The following PDE1C variants were observed in gnomAD, a reference collection of about 807,000 sequenced individuals.
PDE1C encodes phosphodiesterase 1C.
In PDE1C, 62 loss-of-function variants were observed where a neutral mutation model predicts 93.1. That is an observed-to-expected ratio of 0.67 (90% CI 0.54 to 0.82). The LOEUF (loss-of-function observed/expected upper bound fraction) is 0.82. PDE1C is among the 40% of genes least tolerant of loss of function. The pLI, the probability that PDE1C is intolerant of heterozygous loss-of-function variation, is 0.00. For missense variants in PDE1C, 742 were observed against 884.6 expected, an observed-to-expected ratio of 0.84 and a Z score of 2.04; for synonymous variants, 325 against 310.1, an observed-to-expected ratio of 1.05 and a Z score of -0.50.
At chr7:32,195,378 A>C (rs1452915885) in intron 2 of PDE1C, among the ~76,000 whole-genome samples, 1 of 152,126 alleles carries the variant, frequency 6.6e-6, no homozygotes, top group African/African-American at 2.4e-5. Flanking sequence ...ATTTCTGAGG[A>C]ATATTTTTGC....
rs117319645 is a variant in PDE1C, at chr7:32,418,183, G to A, written c.310+9639C>T. Among the ~76,000 whole-genome samples, 1,117 of 152,218 alleles carry A rather than the reference G, an allele frequency of 7.3e-3. 10 individuals carry two copies. Among genetic ancestry groups the A allele is most frequent in the Non-Finnish European group, 0.011 (775 of 68,018 alleles). On this transcript the variant is annotated intron_variant, in intron 1 of 1. Coordinates refer to the PDE1C transcript ENST00000672256. Reference sequence around the variant, plus strand: ...TTCTGGAAACTTCCTCAGTACTATGGTCTTCCCCACATACTATTTCTTTCC... The same window carrying A: ...TTCTGGAAACTTCCTCAGTACTATGATCTTCCCCACATACTATTTCTTTCC...
chr7:31,992,130 C>T (rs931601045), intron 2 of PDE1C, among the ~76,000 whole-genome samples: 12 of 152,202 alleles, frequency 7.9e-5, no homozygotes, highest in Admixed American at 2.0e-4. Context: ...ATGCACCAGG[C>T]CCAAGCCCAG....
intron 2 of PDE1C, among the ~76,000 whole-genome samples, chr7:31,884,246 G>A (rs1384659318): frequency 6.6e-6 from 1 of 151,060 alleles, no homozygotes; most frequent in East Asian, 1.9e-4. Context: ...AATAAAGACA[G>A]AAGAAAATAC....
At chr7:31,691,029 T>C in the PDE1C span, among the ~76,000 whole-genome samples, 4 of 152,152 alleles carry the variant, frequency 2.6e-5, no homozygotes, top group East Asian at 3.9e-4. Flanking sequence ...GATGTTCCCA[T>C]GGCCCATCCA....
the PDE1C span, among the ~76,000 whole-genome samples, chr7:31,736,537 C>A: frequency 1.3e-5 from 2 of 152,184 alleles, no homozygotes; most frequent in African/African-American, 2.4e-5. Flanking sequence ...AACCTTGGTC[C>A]AACCGTGTGG....
At chr7:32,119,786 G>A (rs1799194650) in intron 3 of PDE1C, among the ~76,000 whole-genome samples, 1 of 152,188 alleles carries the variant, frequency 6.6e-6, no homozygotes, top group South Asian at 2.1e-4. Flanking sequence ...AGGGACCCAT[G>A]CCTCCAGGGC....
intron 2 of PDE1C, among the ~76,000 whole-genome samples, chr7:32,173,404 T>C (rs1802777923): frequency 6.6e-6 from 1 of 151,960 alleles, no homozygotes; most frequent in South Asian, 2.1e-4. Flanking sequence ...CGGGTCAATA[T>C]GTGCAGCAAA....
chr7:32,184,455 G>A (rs1803696562), intron 2 of PDE1C, among the ~76,000 whole-genome samples: 1 of 152,186 alleles, frequency 6.6e-6, no homozygotes, highest in Non-Finnish European at 1.5e-5. Flanking sequence ...ATACACCATG[G>A]AATACTATGC....
At chr7:32,017,941 A>G (rs1419783730) in intron 2 of PDE1C, among the ~76,000 whole-genome samples, 2 of 151,838 alleles carry the variant, frequency 1.3e-5, no homozygotes, top group Non-Finnish European at 2.9e-5. Context: ...TTAGCTGGGT[A>G]TGGTGGTGCA....
At position 31,871,726 on chromosome 7, in the gene PDE1C, A is replaced by T. The variant is rs1316814833; in HGVS notation, c.609+1566T>A. ...AAAAAAGATGCACTGGTGAGGATGT[A>T]GAGAAAAGGGAACACTTCTACAACG... On this transcript the variant is annotated intron_variant, in intron 6 of 17. Transcript: ENST00000396191. Among the ~76,000 whole-genome samples the T allele has an allele frequency of 3.3e-5, 5 of 151,772 alleles. No individual in the cohort carries two copies. The East Asian group carries it at 9.7e-4, about 29-fold the overall frequency.
chr7:32,054,602 T>G (rs529935717), intron 1 of PDE1C, among the ~76,000 whole-genome samples: 1 of 152,260 alleles, frequency 6.6e-6, no homozygotes, highest in African/African-American at 2.4e-5. Context: ...CCCATACACA[T>G]CAAAAGATGG....
chr7:31,945,039 T>C (rs1806417532), intron 2 of PDE1C, among the ~76,000 whole-genome samples: 1 of 152,190 alleles, frequency 6.6e-6, no homozygotes, highest in East Asian at 1.9e-4. Context: ...ATTTTGATTA[T>C]ACATCTTTTT....
chr7:31,821,565 T>C (rs375991127), intron 14 of PDE1C, among the ~76,000 whole-genome samples: 86 of 152,210 alleles, frequency 5.7e-4, no homozygotes, highest in African/African-American at 1.6e-3. Context: ...ACAGGGAAGA[T>C]TGAAATGTTT....
chr7:31,900,481 G>C (rs1799832881), intron 2 of PDE1C, among the ~76,000 whole-genome samples: 1 of 149,802 alleles, frequency 6.7e-6, no homozygotes, highest in African/African-American at 2.4e-5. Flanking sequence ...CAAAATATTA[G>C]GTTAGAGATG....
At chr7:31,758,754 A>G (rs988387165) in intron 17 of PDE1C, among the ~76,000 whole-genome samples, 2 of 152,210 alleles carry the variant, frequency 1.3e-5, no homozygotes, top group African/African-American at 2.4e-5. Context: ...AAATTATGGC[A>G]TCAAATTGCC....
chr7:31,961,377 T>C (rs987484972), intron 2 of PDE1C, among the ~76,000 whole-genome samples: 9 of 152,110 alleles, frequency 5.9e-5, no homozygotes, highest in Non-Finnish European at 1.3e-4. Flanking sequence ...TGAATATATC[T>C]GGTAAAATAT....
intron 1 of PDE1C, among the ~76,000 whole-genome samples, chr7:32,349,597 C>T (rs1390463768): frequency 1.3e-5 from 2 of 152,064 alleles, no homozygotes; most frequent in Admixed American, 1.3e-4. Context: ...ATGCATTTGT[C>T]AGTTAGAGCT....
At chr7:32,081,518 G>A (rs760939846) in intron 3 of PDE1C, among the ~76,000 whole-genome samples, 15 of 152,162 alleles carry the variant, frequency 9.9e-5, no homozygotes, top group Non-Finnish European at 2.2e-4. Context: ...CTGATAACTG[G>A]ATATTTCCTA....
intron 2 of PDE1C, among the ~76,000 whole-genome samples, chr7:32,018,863 T>C (rs1176809918): frequency 6.6e-6 from 1 of 152,114 alleles, no homozygotes; most frequent in Non-Finnish European, 1.5e-5. Flanking sequence ...GTTTTTCTAA[T>C]CCCTTGACAA....
Sources: gnomAD v4.1 joint callset for allele counts (sites outside exome capture counted in the v4.1 genomes callset) on GRCh38, gnomAD v4.1.1 for gene constraint, MANE v1.5 for transcripts, NCBI Gene and HGNC (gene_info 2026-07-23, HGNC 2026-07-21) for gene names.